Variants in PHACTR2 observed in about 807,000 individuals in gnomAD.
PHACTR2 encodes chromosome 6 open reading frame 56.
A neutral mutation model predicts 76.0 loss-of-function variants in PHACTR2; 30 were observed. The observed-to-expected ratio is 0.39, with a 90% CI of 0.30 to 0.54. The LOEUF (loss-of-function observed/expected upper bound fraction) is 0.54. Ranked by LOEUF, PHACTR2 falls within the 20% of genes least tolerant of loss-of-function variation. The pLI is 0.61. For missense variants in PHACTR2, 696 were observed against 781.1 expected (o/e 0.89, Z 1.30); for synonymous variants, 292 against 292.5 (o/e 1.00, Z 0.02).
chr6:143,585,091 T>C lies in PHACTR2; in HGVS notation c.217+47884T>C, dbSNP rs189652780. ...GACTATTTAAGCAGCAATTATGGAG[T>C]TGTTGACGGGCAGGACCAAGGCCTG... On this transcript the variant is annotated intron_variant, in intron 1 of 11. Coordinates refer to the PHACTR2 transcript ENST00000367584. This position sits in a 1 kb window ranked among gnomAD's most constrained non-coding sequence, Gnocchi z 5.2. 6.6e-6 allele frequency among the ~76,000 whole-genome samples: 1 copy of C among 150,992 alleles called. No individual in the cohort carries two copies. The highest frequency in any genetic ancestry group is 1.5e-5 in the Non-Finnish European group (1 of 67,828).
intron 1 of PHACTR2, among the ~76,000 whole-genome samples, chr6:143,574,860 C>T (rs533721655): frequency 5.2e-4 from 79 of 152,148 alleles, no homozygotes; most frequent in African/African-American, 1.6e-3. Flanking sequence ...AAACTAAAGG[C>T]GTGGTGTAAA....
Position 143,819,586 on chromosome 6 carries a change from TG to T in PHACTR2, c.1923-4084del, listed in dbSNP as rs938679592. ...CTGGAGGCCTGAGAGCTCGAGGCAG[TG>T]GGGAGTACTGGTGTAAGTTCTGGAG... On this transcript the variant is annotated intron_variant, in intron 12 of 12. Coordinates refer to ENST00000440869, the MANE Select transcript of PHACTR2 (RefSeq NM_001100164.2). The surrounding 1 kb of genome is among the most constrained non-coding windows in gnomAD (Gnocchi z 5.0). Among the ~76,000 whole-genome samples the T allele has an allele frequency of 5.9e-5, 9 of 152,002 alleles. No individual in the cohort carries two copies. Among genetic ancestry groups the T allele is most frequent in the Non-Finnish European group, 1.2e-4 (8 of 67,986 alleles).
intron 10 of PHACTR2, among the ~76,000 whole-genome samples, chr6:143,788,175 A>T (rs1410807143): frequency 6.6e-6 from 1 of 152,174 alleles, no homozygotes; most frequent in Non-Finnish European, 1.5e-5. Context: ...GTTCTCCATC[A>T]ACTCTCCCCT....
rs1342908529 is a variant in PHACTR2 at position 143,811,947 on chromosome 6, T to C, written c.1922+4814T>C. Among the ~76,000 whole-genome samples, 5 of 152,236 alleles carry C rather than the reference T, an allele frequency of 3.3e-5. No homozygotes were observed. The highest frequency in any genetic ancestry group is 7.3e-5 in the Non-Finnish European group (5 of 68,038). On this transcript the variant is annotated intron_variant, in intron 12 of 12. Transcript: ENST00000440869. This position sits in a 1 kb window ranked among gnomAD's most constrained non-coding sequence, Gnocchi z 4.1. Reference sequence around the variant, plus strand: ...AATAAACACCTTATGAATCATTACCTTGCCCTTTCAATGCAACCTAGATAC... The same window carrying C: ...AATAAACACCTTATGAATCATTACCCTGCCCTTTCAATGCAACCTAGATAC...
At chr6:143,651,797 A>G (rs1466224304) in intron 1 of PHACTR2, among the ~76,000 whole-genome samples, 1 of 152,038 alleles carries the variant, frequency 6.6e-6, no homozygotes, top group Non-Finnish European at 1.5e-5. Context: ...ACCATGGCAT[A>G]CACTTACCTA....
rs1776565590 is a variant in PHACTR2, at chr6:143,641,722, T to A, written c.13+33400T>A. Among the ~76,000 whole-genome samples the A allele has an allele frequency of 6.6e-6, 1 of 152,088 alleles. No homozygotes were observed. The highest frequency in any genetic ancestry group is 1.5e-5 in the Non-Finnish European group (1 of 68,012). On this transcript the variant is annotated intron_variant, in intron 1 of 11. Transcript: ENST00000305766. This position sits in a 1 kb window ranked among gnomAD's most constrained non-coding sequence, Gnocchi z 5.8. ...GGTTTCTCCATGTTGGTCAGGCTGG[T>A]CTTGAACTCCCAACCTCAGGTGATC...
intron 6 of PHACTR2, among the ~76,000 whole-genome samples, chr6:143,771,177 T>TATATATTATATAC (rs1775111999): frequency 5.3e-5 from 1 of 18,878 alleles, no homozygotes; most frequent in Non-Finnish European, 8.5e-5. Context: ...TATATATGTA[T>TATATATTATATAC]ATATATATAT....
chr6:143,581,886 G>C lies in PHACTR2; in HGVS notation c.217+44679G>C, dbSNP rs900478399. On this transcript the variant is annotated intron_variant, in intron 1 of 11. Transcript: ENST00000367584. The surrounding 1 kb of genome is among the most constrained non-coding windows in gnomAD (Gnocchi z 4.5). ...GTTATCCTGCCCTTGCCTAGACTTA[G>C]ATGAACCCAGTCTATTTTTTGCAGT... 6.6e-6 allele frequency among the ~76,000 whole-genome samples: 1 copy of C among 152,116 alleles called. No individual in the cohort carries two copies. Among genetic ancestry groups the C allele is most frequent in the Non-Finnish European group, 1.5e-5 (1 of 68,026 alleles).
At chr6:143,720,304 C>T (rs1778410278) in intron 2 of PHACTR2, among the ~76,000 whole-genome samples, 1 of 152,018 alleles carries the variant, frequency 6.6e-6, no homozygotes, top group African/African-American at 2.4e-5. Flanking sequence ...AGAAAATAAA[C>T]CCAAATAAGT....
Position 143,661,493 on chromosome 6 carries a change from AAAAT to A in PHACTR2, c.14-50519_14-50516del, listed in dbSNP as rs543348487. Among the ~76,000 whole-genome samples, 11 of 152,208 alleles carry A rather than the reference AAAAT, an allele frequency of 7.2e-5. No individual in the cohort carries two copies. In the South Asian group the frequency reaches 2.3e-3, roughly 32 times the overall value. On this transcript the variant is annotated intron_variant, in intron 1 of 11. Coordinates refer to the PHACTR2 transcript ENST00000305766. ...AAAGTATAACAATAATTTTGCAAATAAAATAAAAAAGCTTTTAGGTAAAGATTGT... is the reference window on the plus strand; with the variant it reads ...AAAGTATAACAATAATTTTGCAAATAAAAAAAGCTTTTAGGTAAAGATTGT...
At position 143,684,366 on chromosome 6, in the gene PHACTR2, C is replaced by A. The variant is rs1316162546; in HGVS notation, c.46+6157C>A. On this transcript the variant is annotated intron_variant, in intron 1 of 12. Coordinates refer to ENST00000440869, the MANE Select transcript of PHACTR2 (RefSeq NM_001100164.2). This position sits in a 1 kb window ranked among gnomAD's most constrained non-coding sequence, Gnocchi z 4.3. ...GAGTTATTCTTAGGTTTTCCTTTCC[C>A]CCTCCACATGGATCCATCAGCAGGT... Among the ~76,000 whole-genome samples the A allele has an allele frequency of 6.6e-6, 1 of 152,154 alleles. No individual in the cohort carries two copies. The highest frequency in any genetic ancestry group is 1.5e-5 in the Non-Finnish European group (1 of 68,040).
intron 1 of PHACTR2, among the ~76,000 whole-genome samples, chr6:143,614,489 T>C (rs918201691): frequency 2.6e-5 from 4 of 152,316 alleles, no homozygotes; most frequent in African/African-American, 9.6e-5. Context: ...TAGGAAGCCA[T>C]TTTTGGTAAC....
chr6:143,728,200 C>CTTTTTTTTTTCTTTTT (rs1778618287), intron 2 of PHACTR2, among the ~76,000 whole-genome samples: 1 of 131,382 alleles, frequency 7.6e-6, no homozygotes, highest in Non-Finnish European at 1.6e-5. Flanking sequence ...TCTTTCTTTC[C>CTTTTTTTTTTCTTTTT]TTTTTTTTTT....
Position 143,662,558 on chromosome 6 carries a change from A to G in PHACTR2, c.14-49458A>G, listed in dbSNP as rs1776963768. ...TAGTTATAAAATGCTGAACTATTGA[A>G]TAATGAAAGTGTTTTAAACAACACT... On this transcript the variant is annotated intron_variant, in intron 1 of 11. Transcript: ENST00000305766. The surrounding 1 kb of genome is among the most constrained non-coding windows in gnomAD (Gnocchi z 4.7). 6.6e-6 allele frequency among the ~76,000 whole-genome samples: 1 copy of G among 152,186 alleles called. No individual in the cohort carries two copies. Among genetic ancestry groups the G allele is most frequent in the African/African-American group, 2.4e-5 (1 of 41,448 alleles).
At position 143,825,454 on chromosome 6, in the gene PHACTR2, G is replaced by A. The variant is rs1003910657; in HGVS notation, c.*1765G>A. 4.6e-5 allele frequency: 7 copies of A among 152,176 alleles called. No homozygotes were observed. The highest frequency in any genetic ancestry group is 1.7e-4 in the African/African-American group (7 of 41,440). 9.4% of individuals were successfully genotyped at this position (152,176 alleles called of 1,614,324 possible). A position where few individuals can be genotyped will look rare whatever the true frequency, so the allele number is the denominator to read the frequency against. On this transcript the variant is annotated 3_prime_UTR_variant, in exon 13 of 13. Coordinates refer to ENST00000440869, the MANE Select transcript of PHACTR2 (RefSeq NM_001100164.2). The surrounding 1 kb of genome is among the most constrained non-coding windows in gnomAD (Gnocchi z 4.1). Reference sequence around the variant, plus strand: ...ATTACTGCACCTCTTGTTAGACTCTGTGCATTAATAAAACACACCTAGAGT... The same window carrying A: ...ATTACTGCACCTCTTGTTAGACTCTATGCATTAATAAAACACACCTAGAGT...
At chr6:143,771,464 T>G (rs1373226705) in intron 6 of PHACTR2, among the ~76,000 whole-genome samples, 1 of 151,388 alleles carries the variant, frequency 6.6e-6, no homozygotes, top group Non-Finnish European at 1.5e-5. Flanking sequence ...GAGACGGAGT[T>G]TTGCTCTTGT....
chr6:143,656,453 A>G lies in PHACTR2; in HGVS notation c.13+48131A>G, dbSNP rs937458906. 1.3e-5 allele frequency among the ~76,000 whole-genome samples: 2 copies of G among 152,142 alleles called. No individual in the cohort carries two copies. The highest frequency in any genetic ancestry group is 2.4e-5 in the African/African-American group (1 of 41,438). ...TTTTTTTTAATTGCAAGAACATCTC[A>G]TAGTGTTTTAAGAAAGTTTACGTAT... On this transcript the variant is annotated intron_variant, in intron 1 of 11. Coordinates refer to the PHACTR2 transcript ENST00000305766. This position sits in a 1 kb window ranked among gnomAD's most constrained non-coding sequence, Gnocchi z 5.3.
chr6:143,744,142 CTT>C (rs1779003222), intron 2 of PHACTR2, among the ~76,000 whole-genome samples: 1 of 152,174 alleles, frequency 6.6e-6, no homozygotes, highest in African/African-American at 2.4e-5. Context: ...CATACAGAGA[CTT>C]TTTCAGATCA....
chr6:143,829,038 G>A lies in PHACTR2; in HGVS notation c.*5349G>A, dbSNP rs1003373749. ...AATGGTTTTTCTCCCTTCATTTTTC[G>A]AGCCTTTCTCTCAGTGCAGCTGTTC... On this transcript the variant is annotated 3_prime_UTR_variant, in exon 13 of 13. Coordinates refer to ENST00000440869, the MANE Select transcript of PHACTR2 (RefSeq NM_001100164.2). 2.6e-5 allele frequency: 4 copies of A among 152,004 alleles called. No homozygotes were observed. The highest frequency in any genetic ancestry group is 1.9e-4 in the East Asian group (1 of 5,186). 9.4% of individuals were successfully genotyped at this position (152,004 alleles called of 1,614,324 possible).
Sources: allele counts gnomAD v4.1 joint callset (sites outside exome capture counted in the v4.1 genomes callset), GRCh38; gene constraint gnomAD v4.1.1; non-coding constraint Gnocchi (gnomAD v3.1); transcripts MANE v1.5; gene names NCBI Gene and HGNC (gene_info 2026-07-23, HGNC 2026-07-21).